Variants in SNPH observed in about 807,000 individuals in gnomAD.
SNPH encodes syntaphilin.
SNPH carries 10 observed loss-of-function variants against 36.8 expected under a neutral mutation model. That is an observed-to-expected ratio of 0.27 (90% confidence interval 0.17 to 0.46). SNPH has a LOEUF of 0.46. Among genes scored for constraint, SNPH ranks in the 20% least tolerant of loss-of-function variants. The pLI, the probability that SNPH is intolerant of heterozygous loss-of-function variation, is 1.00. For missense variants in SNPH, 622 were observed against 744.0 expected (o/e 0.84, Z 1.91); for synonymous variants, 281 against 312.2 (o/e 0.90, Z 1.05).
intron 2 of SNPH, among the ~76,000 whole-genome samples, chr20:1,289,675 C>T (rs1477951480): frequency 1.3e-5 from 2 of 149,398 alleles, no homozygotes; most frequent in Non-Finnish European, 3.0e-5. Flanking sequence ...TGAGACCCCA[C>T]CTTTAAAAAA....
At chr20:1,297,431 T>A (rs941931635) in intron 5 of SNPH, among the ~76,000 whole-genome samples, 179 bp downstream of exon 5, 1 of 152,174 alleles carries the variant, frequency 6.6e-6, no homozygotes, top group African/African-American at 2.4e-5. Flanking sequence ...GTCTGTAAGA[T>A]GGATATGATA....
In SNPH at chr20:1,284,580, G is replaced by A. The variant is rs553279486; in HGVS notation, c.-492-10371G>A. 3.9e-5 allele frequency among the ~76,000 whole-genome samples: 6 copies of A among 152,330 alleles called. No individual in the cohort carries two copies. The South Asian group carries it at 1.2e-3, about 32-fold the overall frequency. ...GAGGAGGGGTTGTATTTTAAACACA[G>A]TGGTCAGAGAAGATTCACTGAGAGG... On this transcript the variant is annotated intron_variant, in intron 2 of 6. Transcript: ENST00000381867.
intron 5 of SNPH, among the ~76,000 whole-genome samples, chr20:1,297,483 C>T (rs768218669): frequency 5.3e-5 from 8 of 152,180 alleles, no homozygotes; most frequent in Non-Finnish European, 1.2e-4. Context: ...CCTAAACAAA[C>T]TAGGGGTGAT....
intron 2 of SNPH, among the ~76,000 whole-genome samples, chr20:1,280,828 G>A (rs113541785): frequency 0.013 from 1,922 of 152,292 alleles, 46 homozygotes; most frequent in African/African-American, 0.043. Context: ...ACTAAGCCTC[G>A]ATTTCGAATC....
intron 2 of SNPH, among the ~76,000 whole-genome samples, chr20:1,292,052 C>A (rs2088368366): frequency 6.6e-6 from 1 of 152,228 alleles, no homozygotes; most frequent in Admixed American, 6.5e-5. Flanking sequence ...TCTAATCTGA[C>A]TCTTTGGTCT....
rs754975513 is a variant in SNPH at position 1,305,201 on chromosome 20, G to A, written c.764G>A (p.Arg255His). 12 of 1,611,528 alleles carry A rather than the reference G, an allele frequency of 7.4e-6. No homozygotes were observed. Among genetic ancestry groups the A allele is most frequent in the Admixed American group, 3.3e-5 (2 of 59,932 alleles). The change falls in exon 7 of 7, where the codon CGC (arginine) becomes CAC (histidine). Residue 255 changes from arginine to histidine, a missense_variant. Around this residue, in one of 3 missense-constraint regions of SNPH, gnomAD observed 379 missense variants for 427.9 expected, o/e 0.89. Coordinates refer to ENST00000381867, the MANE Select transcript of SNPH (RefSeq NM_001318234.2). ...AGGSPARSLT[R>H]SSTYTKLSDP... ...GGGTCCCCTGCCCGCTCCCTCACCC[G>A]CAGCTCCACCTACACCAAGCTGAGT...
chr20:1,305,033 A>G lies in SNPH; in HGVS notation c.596A>G (p.Asn199Ser), dbSNP rs142687427. 4.8e-5 allele frequency: 78 copies of G among 1,614,046 alleles called. No individual in the cohort carries two copies. The East Asian group carries it at 1.7e-3, about 36-fold the overall frequency. The change falls in exon 7 of 7, where the codon AAC (asparagine) becomes AGC (serine). Residue 199 changes from asparagine (N) to serine (S), a missense_variant. Coordinates refer to ENST00000381867, the MANE Select transcript of SNPH (RefSeq NM_001318234.2). ...LKQVIDTVKN[N>S]LIDKDKGLQK... ...CAGGTCATCGACACTGTCAAGAACA[A>G]CCTGATTGACAAGGACAAGGGGCTG...
At chr20:1,301,105 ACT>A (rs1173393044) in intron 6 of SNPH, among the ~76,000 whole-genome samples, 1 of 151,850 alleles carries the variant, frequency 6.6e-6, no homozygotes, top group East Asian at 1.9e-4. Context: ...GGGAGAAACA[ACT>A]CTTTATCCTT....
At position 1,266,499 on chromosome 20, in the gene SNPH, G is replaced by C; in HGVS notation, c.-600+102G>C. ...GGGGGTGGGGTGGGGGCCGCGGGCCGCGAGGAGGAGGGGACGGAGCACCCG... is the reference window on the plus strand; with the variant it reads ...GGGGGTGGGGTGGGGGCCGCGGGCCCCGAGGAGGAGGGGACGGAGCACCCG... On this transcript the variant is annotated intron_variant, in intron 1 of 6. Coordinates refer to ENST00000381867, the MANE Select transcript of SNPH (RefSeq NM_001318234.2). This position sits in a 1 kb window ranked among gnomAD's most constrained non-coding sequence, Gnocchi z 6.0. 8.9e-7 allele frequency: 1 copy of C among 1,128,662 alleles called. No homozygotes were observed. The highest frequency in any genetic ancestry group is 2.2e-5 in the South Asian group (1 of 46,192). The allele number at this position is 1,128,662 out of a possible 1,614,324, so 69.9% of individuals were successfully genotyped here.
chr20:1,300,866 A>G (rs891819637), intron 6 of SNPH, among the ~76,000 whole-genome samples, 155 bp downstream of exon 6: 19 of 152,102 alleles, frequency 1.2e-4, no homozygotes, highest in African/African-American at 3.9e-4. Flanking sequence ...ATTTGAGCCC[A>G]CTTGCAGACC....
chr20:1,270,244 A>G (rs1473133155), intron 2 of SNPH, among the ~76,000 whole-genome samples: 1 of 152,194 alleles, frequency 6.6e-6, no homozygotes, highest in Non-Finnish European at 1.5e-5. Flanking sequence ...TGCAGGAAAG[A>G]GTAAATTGTG....
At chr20:1,277,474 TC>T (rs1440039459) in intron 2 of SNPH, among the ~76,000 whole-genome samples, 26 of 144,536 alleles carry the variant, frequency 1.8e-4, no homozygotes, top group African/African-American at 6.2e-4. Context: ...TGTGTGTGTG[TC>T]TGTCTGTGCC....
intron 2 of SNPH, among the ~76,000 whole-genome samples, chr20:1,290,631 A>C (rs2088349411): frequency 6.6e-6 from 1 of 152,214 alleles, no homozygotes; most frequent in African/African-American, 2.4e-5. Flanking sequence ...AGCTATTAAG[A>C]ATAGTGCTAC....
chr20:1,277,671 C>CGT (rs1184825644), intron 2 of SNPH, among the ~76,000 whole-genome samples: 1 of 29,538 alleles, frequency 3.4e-5, no homozygotes, highest in Non-Finnish European at 6.9e-5. Context: ...TGTGTGTGTC[C>CGT]GTGTGTGTCC....
At chr20:1,289,512 T>TACACACACACAC (rs56289024) in intron 2 of SNPH, among the ~76,000 whole-genome samples, 10 of 137,750 alleles carry the variant, frequency 7.3e-5, no homozygotes, top group African/African-American at 1.9e-4. Context: ...TTCATTTAAA[T>TACACACACACAC]ACACACACAC....
In SNPH at chr20:1,304,857, G is replaced by A. The variant is rs1325342291; in HGVS notation, c.441-21G>A. 3.1e-6 allele frequency: 5 copies of A among 1,605,032 alleles called. No homozygotes were observed. The highest frequency in any genetic ancestry group is 4.3e-6 in the Non-Finnish European group (5 of 1,174,790). ...CCAGGCAGGCAGGCAGTGAGCGTGTGTGTGTCTCCTCGGCTCGCAGGGACA... is the reference window on the plus strand; with the variant it reads ...CCAGGCAGGCAGGCAGTGAGCGTGTATGTGTCTCCTCGGCTCGCAGGGACA... On this transcript the variant is annotated intron_variant, in intron 6 of 6. Transcript: ENST00000381867. This position sits in a 1 kb window ranked among gnomAD's most constrained non-coding sequence, Gnocchi z 4.3.
Position 1,296,071 on chromosome 20 carries a change from G to C in SNPH, c.-169G>C. 1 of 555,636 alleles carries C rather than the reference G, an allele frequency of 1.8e-6. No individual in the cohort carries two copies. The highest frequency in any genetic ancestry group is 3.0e-6 in the Non-Finnish European group (1 of 328,560). The allele number at this position is 555,636 out of a possible 1,614,324, so 34.4% of individuals were successfully genotyped here. ...TGTCTGGGGCACATTCACTCATCTG[G>C]AGAACACAGGGTTGGACTGATTACT... On this transcript the variant is annotated 5_prime_UTR_variant, in exon 4 of 7. Coordinates refer to ENST00000381867, the MANE Select transcript of SNPH (RefSeq NM_001318234.2).
rs140574507 is a variant in SNPH at position 1,280,766 on chromosome 20, C to T, written c.-493+14006C>T. Among the ~76,000 whole-genome samples, 525 of 152,286 alleles carry T rather than the reference C, an allele frequency of 3.4e-3. 4 individuals carry two copies. The highest frequency in any genetic ancestry group is 0.012 in the African/African-American group (508 of 41,554). On this transcript the variant is annotated intron_variant, in intron 2 of 6. Transcript: ENST00000381867. The stretch of plus-strand genomic sequence containing the variant: ...TCCTGGATTGATGGAATGGGGTTCT[C>T]AGAACTGTCAGGTCATCTGTTTGGC...
At chr20:1,299,427 G>A (rs1477210294) in intron 5 of SNPH, among the ~76,000 whole-genome samples, 2 of 152,236 alleles carry the variant, frequency 1.3e-5, no homozygotes, top group African/African-American at 4.8e-5. Context: ...GTTTCTGTTT[G>A]AGCAAAACAA....
Sources: gnomAD v4.1 joint callset for allele counts (sites outside exome capture counted in the v4.1 genomes callset) on GRCh38, gnomAD v4.1.1 for gene constraint, gnomAD v4.1.1 regional missense constraint, Gnocchi (gnomAD v3.1) non-coding constraint, MANE v1.5 for transcripts, NCBI Gene and HGNC (gene_info 2026-07-23, HGNC 2026-07-21) for gene names.